The following PRKG1 variants were observed in gnomAD, a reference collection of about 807,000 sequenced individuals.
The protein encoded by PRKG1 is cGMP-dependent protein kinase 1.
A neutral mutation model predicts 88.1 loss-of-function variants in PRKG1; 35 were observed. The ratio of observed to expected loss-of-function variants is 0.40; its 90% CI spans 0.30 to 0.53. The LOEUF is 0.53. Among genes scored for constraint, PRKG1 ranks in the 20% least tolerant of loss-of-function variants. PRKG1 has a pLI of 0.59. For synonymous variants in PRKG1, 303 were observed against 292.5 expected (o/e 1.04, Z -0.37); for missense variants, 540 against 839.8 (o/e 0.64, Z 4.41).
chr10:52,123,059 G>A (rs1256592672), intron 7 of PRKG1, among the ~76,000 whole-genome samples: 1 of 152,082 alleles, frequency 6.6e-6, no homozygotes, highest in African/African-American at 2.4e-5. Context: ...TTTTTAACCT[G>A]CACAAACAAT....
intron 2 of PRKG1, among the ~76,000 whole-genome samples, chr10:51,190,866 GAGA>G (rs201307538): frequency 0.012 from 1,855 of 151,974 alleles, 20 homozygotes; most frequent in Non-Finnish European, 0.017. Context: ...GTGTAAATAT[GAGA>G]AGAAGAAATG....
intron 2 of PRKG1, among the ~76,000 whole-genome samples, chr10:51,460,785 A>T (rs769513608): frequency 6.6e-6 from 1 of 152,276 alleles, no homozygotes; most frequent in Admixed American, 6.5e-5. Flanking sequence ...CTTTTCCTTA[A>T]TTATCTTCAA....
chr10:51,595,726 C>T (rs191638065), intron 3 of PRKG1, among the ~76,000 whole-genome samples: 2 of 152,232 alleles, frequency 1.3e-5, no homozygotes, highest in African/African-American at 4.8e-5. Context: ...TGAATCATCA[C>T]TCCTCCAGGT....
intron 3 of PRKG1, among the ~76,000 whole-genome samples, chr10:51,528,882 G>A (rs1436177153): frequency 1.3e-5 from 2 of 152,140 alleles, no homozygotes; most frequent in East Asian, 3.9e-4. Context: ...TGTCCCCAAT[G>A]TAAATGGAAA....
chr10:51,383,279 T>C (rs1426952298), intron 2 of PRKG1, among the ~76,000 whole-genome samples: 1 of 151,690 alleles, frequency 6.6e-6, no homozygotes, highest in Non-Finnish European at 1.5e-5. Context: ...CATCAACTTG[T>C]CCAAGATCAG....
At chr10:52,251,858 A>T (rs1841180550) in intron 10 of PRKG1, 192 bp downstream of exon 10, 1 of 499,726 alleles carries the variant, frequency 2.0e-6, no homozygotes, top group South Asian at 3.2e-5. Flanking sequence ...TATGCAGTCA[A>T]CGACTAAAAA....
At chr10:51,561,649 G>A (rs1445958026) in intron 3 of PRKG1, among the ~76,000 whole-genome samples, 4 of 152,008 alleles carry the variant, frequency 2.6e-5, no homozygotes. Context: ...GGGGTGGGGA[G>A]AGGAAAGTGG....
intron 1 of PRKG1, among the ~76,000 whole-genome samples, chr10:51,137,414 T>G (rs572320270): frequency 1.0e-3 from 158 of 152,300 alleles, no homozygotes; most frequent in African/African-American, 3.4e-3. Context: ...AGTTTCAGGA[T>G]AAGTCCTGGG....
At chr10:51,941,791 T>C (rs1842914872) in intron 5 of PRKG1, among the ~76,000 whole-genome samples, 1 of 151,896 alleles carries the variant, frequency 6.6e-6, no homozygotes, top group African/African-American at 2.4e-5. Flanking sequence ...ACTCATCCTT[T>C]TTTATGGCTG....
chr10:51,215,685 C>G (rs1838353925), intron 2 of PRKG1, among the ~76,000 whole-genome samples: 1 of 152,300 alleles, frequency 6.6e-6, no homozygotes, highest in Admixed American at 6.5e-5. Flanking sequence ...CATTCTTTGT[C>G]TCTCCCTCTC....
intron 3 of PRKG1, among the ~76,000 whole-genome samples, chr10:51,794,881 G>T (rs953898156): frequency 1.3e-4 from 20 of 152,044 alleles, no homozygotes; most frequent in African/African-American, 4.8e-4. Context: ...TGTGACCTGG[G>T]CAGTAACTTA....
intron 1 of PRKG1, among the ~76,000 whole-genome samples, chr10:51,111,804 A>G (rs1226475770): frequency 6.6e-6 from 1 of 152,154 alleles, no homozygotes; most frequent in Non-Finnish European, 1.5e-5. Context: ...AAGTTCGGAG[A>G]GGTGTTTTTA....
At chr10:51,041,777 C>T (rs1843427647) in intron 1 of PRKG1, among the ~76,000 whole-genome samples, 1 of 152,166 alleles carries the variant, frequency 6.6e-6, no homozygotes, top group Non-Finnish European at 1.5e-5. Context: ...TGAGAAAGGG[C>T]ATGGTTATGA....
chr10:51,572,884 A>C (rs1837793093), intron 3 of PRKG1, among the ~76,000 whole-genome samples: 2 of 151,868 alleles, frequency 1.3e-5, no homozygotes, highest in African/African-American at 2.4e-5. Context: ...GGGAGTAAGA[A>C]TTAAACTCAA....
chr10:51,092,616 C>T (rs1844425326), intron 1 of PRKG1, among the ~76,000 whole-genome samples: 2 of 152,130 alleles, frequency 1.3e-5, no homozygotes, highest in Admixed American at 6.6e-5. Context: ...TATGAGCCAA[C>T]TGGGGATGCT....
At chr10:52,063,638 G>C (rs1000106025) in intron 7 of PRKG1, among the ~76,000 whole-genome samples, 1 of 152,226 alleles carries the variant, frequency 6.6e-6, no homozygotes, top group African/African-American at 2.4e-5. Context: ...ACAGGACAAA[G>C]AGGAGCTTTA....
chr10:51,263,509 A>G (rs1456016152), intron 2 of PRKG1, among the ~76,000 whole-genome samples: 2 of 152,190 alleles, frequency 1.3e-5, no homozygotes, highest in East Asian at 3.8e-4. Flanking sequence ...GCATCAGGCA[A>G]AACTCCTTGG....
chr10:51,305,045 C>T (rs190976571), intron 2 of PRKG1, among the ~76,000 whole-genome samples: 1 of 152,084 alleles, frequency 6.6e-6, no homozygotes, highest in African/African-American at 2.4e-5. Flanking sequence ...CTCTGATCAA[C>T]TGGTAACTTG....
At chr10:51,428,153 G>C (rs1178377433) in intron 2 of PRKG1, among the ~76,000 whole-genome samples, 7 of 152,176 alleles carry the variant, frequency 4.6e-5, no homozygotes, top group African/African-American at 1.2e-4. Context: ...TATCGCATCT[G>C]AATAGCTTTC....
Sources: allele counts gnomAD v4.1 joint callset (sites outside exome capture counted in the v4.1 genomes callset), GRCh38; gene constraint gnomAD v4.1.1; transcripts MANE v1.5; gene names NCBI Gene and HGNC (gene_info 2026-07-23, HGNC 2026-07-21).